The following FBN1 variants were observed in gnomAD, a reference collection of about 807,000 sequenced individuals.
FBN1 encodes the protein fibrillin 1.
In FBN1, 29 loss-of-function variants were observed where a neutral mutation model predicts 365.1. The ratio of observed to expected loss-of-function variants is 0.08; its 90% CI spans 0.06 to 0.11. The LOEUF (loss-of-function observed/expected upper bound fraction) is 0.11. Among genes scored for constraint, FBN1 ranks in the 10% least tolerant of loss-of-function variants. The pLI, the probability that FBN1 is intolerant of heterozygous loss-of-function variation, is 1.00. For synonymous variants in FBN1, 1,210 were observed against 1,270.5 expected (o/e 0.95, Z 1.01); for missense variants, 2,476 against 3,703.2 (o/e 0.67, Z 8.60).
chr15:48,435,183 G>A (rs573326733), intron 53 of FBN1, among the ~76,000 whole-genome samples: 20 of 152,210 alleles, frequency 1.3e-4, no homozygotes, highest in East Asian at 1.2e-3. Context: ...CGTGAAATTC[G>A]ACTTGCTCAG....
intron 46 of FBN1, among the ~76,000 whole-genome samples, chr15:48,447,592 A>C (rs2043169716): frequency 1.3e-5 from 2 of 152,204 alleles, no homozygotes; most frequent in South Asian, 4.1e-4. Flanking sequence ...GAAGTAATAA[A>C]AAATTTAATG....
intron 4 of FBN1, among the ~76,000 whole-genome samples, chr15:48,606,725 G>A (rs1282829115): frequency 2.0e-5 from 3 of 152,166 alleles, no homozygotes; most frequent in African/African-American, 7.2e-5. Flanking sequence ...ATGTCACAAT[G>A]GGGAAAACTA....
Position 48,508,574 on chromosome 15 carries a change from G to C in FBN1, c.1837+8C>G. 2 of 1,613,698 alleles carry C rather than the reference G, an allele frequency of 1.2e-6. No individual in the cohort carries two copies. The highest frequency in any genetic ancestry group is 1.1e-5 in the South Asian group (1 of 91,074). On this transcript the variant is annotated splice_region_variant and intron_variant, in intron 15 of 65. Coordinates refer to ENST00000316623, the MANE Select transcript of FBN1 (RefSeq NM_000138.5). Reference sequence around the variant, plus strand: ...GAAGAACATGATCTAGGGTTTTATAGCACGAACCTTTGCAATAACGTCCAT... The same window carrying C: ...GAAGAACATGATCTAGGGTTTTATACCACGAACCTTTGCAATAACGTCCAT...
intron 2 of FBN1, among the ~76,000 whole-genome samples, chr15:48,622,719 T>A (rs1889792918): frequency 6.6e-6 from 1 of 152,252 alleles, no homozygotes; most frequent in African/African-American, 2.4e-5. Context: ...GTAGGCCTAA[T>A]CTACCTGTCA....
intron 34 of FBN1, 58 bp from the exon 35 acceptor site, chr15:48,472,734 C>CTAAT: frequency 6.2e-7 from 1 of 1,612,986 alleles, no homozygotes; most frequent in Non-Finnish European, 8.5e-7. Context: ...TCTAATTCCT[C>CTAAT]AGGTCTATCA....
chr15:48,549,542 T>C (rs1385238157), intron 6 of FBN1, among the ~76,000 whole-genome samples: 2 of 152,234 alleles, frequency 1.3e-5, no homozygotes, highest in Non-Finnish European at 2.9e-5. Context: ...GGGATTTCCT[T>C]ACAGTAAATC....
intron 6 of FBN1, among the ~76,000 whole-genome samples, chr15:48,562,031 T>C (rs1269986055): frequency 2.0e-5 from 3 of 152,134 alleles, no homozygotes; most frequent in African/African-American, 7.2e-5. Flanking sequence ...TTTTGCTGAG[T>C]AACCCTGCCA....
At chr15:48,589,383 A>C (rs1388027020) in intron 6 of FBN1, among the ~76,000 whole-genome samples, 2 of 152,198 alleles carry the variant, frequency 1.3e-5, no homozygotes, top group South Asian at 4.1e-4. Flanking sequence ...TTCATACCAC[A>C]TATGTGCAGC....
rs1555395763 is a variant in FBN1 at position 48,445,472 on chromosome 15, G to A, written c.5821C>T (p.Leu1941Phe). The change falls in exon 48 of 66, where the codon CTT becomes TTT. Residue 1941 changes from leucine to phenylalanine, a missense_variant. Leu to Phe is a conservative substitution (Grantham distance 22). Transcript: ENST00000316623. ...VDECASGNGN[L>F]CRNGQCINTV... ...TTAATGCATTGGCCATTTCTGCAAA[G>A]ATTCCCATTTCCACTTGCACATTCA... 6.2e-7 allele frequency: 1 copy of A among 1,612,754 alleles called. No homozygotes were observed. The highest frequency in any genetic ancestry group is 8.5e-7 in the Non-Finnish European group (1 of 1,179,112).
At chr15:48,481,551 A>G in intron 32 of FBN1, 104 bp downstream of exon 32, 1 of 1,205,678 alleles carries the variant, frequency 8.3e-7, no homozygotes, top group Non-Finnish European at 1.2e-6. Flanking sequence ...AATGTTTTAT[A>G]ATATAGTTAA....
rs1445741684 is a variant in FBN1 at position 48,568,053 on chromosome 15, A to AAAG, written c.538+28227_538+28229dup. Among the ~76,000 whole-genome samples, 670 of 95,526 alleles carry AAAG rather than the reference A, an allele frequency of 7.0e-3. 2 individuals carry two copies. Among genetic ancestry groups the AAAG allele is most frequent in the East Asian group, 0.011 (37 of 3,304 alleles). The allele number at this position is 95,526 out of a possible 152,430, so 62.7% of individuals were successfully genotyped here. On this transcript the variant is annotated intron_variant, in intron 6 of 65. Coordinates refer to ENST00000316623, the MANE Select transcript of FBN1 (RefSeq NM_000138.5). ...AGAAAGAAAGAAAGAAAGAAAGAAG[A>AAAG]AAGAAAGAAAGAAAGAAAGAAAGAA... is the stretch of plus-strand genomic sequence containing the variant.
At chr15:48,555,542 G>A (rs1344591626) in intron 6 of FBN1, among the ~76,000 whole-genome samples, 2 of 152,118 alleles carry the variant, frequency 1.3e-5, no homozygotes, top group Non-Finnish European at 2.9e-5. Context: ...CTCCTATGGT[G>A]TATTGCTGTA....
chr15:48,555,960 A>C (rs2044177105), intron 6 of FBN1, among the ~76,000 whole-genome samples: 1 of 152,128 alleles, frequency 6.6e-6, no homozygotes, highest in African/African-American at 2.4e-5. Context: ...TAGCTCTATA[A>C]CTCTAATGTC....
At chr15:48,537,253 AAAATT>A (rs1366026968) in intron 7 of FBN1, among the ~76,000 whole-genome samples, 2 of 152,224 alleles carry the variant, frequency 1.3e-5, no homozygotes, top group Non-Finnish European at 2.9e-5. Flanking sequence ...ATGAAGAAAA[AAAATT>A]AAGAAAAACA....
At position 48,487,096 on chromosome 15, in the gene FBN1, G is replaced by C; in HGVS notation, c.3568C>G (p.Pro1190Ala). The change falls in exon 29 of 66, where the codon CCC (proline) becomes GCC (alanine). Residue 1190 changes from proline (P) to alanine (A), a missense_variant. Pro to Ala is a conservative substitution (Grantham distance 27). Transcript: ENST00000316623. ...TTACCAACACAAAATAGCCTATCGG[G>C]AGTTGAATGGTAGCCAGGGTTGCAG... The part of the protein sequence containing the change: ...CACNPGYHST[P>A]DRLFCVDIDE... The C allele has an allele frequency of 6.2e-7, 1 of 1,613,646 alleles. No individual in the cohort carries two copies. Among genetic ancestry groups the C allele is most frequent in the Non-Finnish European group, 8.5e-7 (1 of 1,179,814 alleles).
intron 32 of FBN1, among the ~76,000 whole-genome samples, chr15:48,475,574 T>C (rs376361371): frequency 1.8e-4 from 28 of 152,226 alleles, no homozygotes; most frequent in African/African-American, 6.8e-4. Flanking sequence ...CTCATAAATA[T>C]GGTACTCTAT....
chr15:48,538,613 C>T (rs1377909686), intron 6 of FBN1, among the ~76,000 whole-genome samples: 1 of 151,456 alleles, frequency 6.6e-6, no homozygotes, highest in African/African-American at 2.4e-5. Context: ...GAGAGAGAGC[C>T]AACAACAAAT....
At chr15:48,423,130 A>C (rs76402472) in intron 60 of FBN1, among the ~76,000 whole-genome samples, 1 of 152,332 alleles carries the variant, frequency 6.6e-6, no homozygotes, top group African/African-American at 2.4e-5. Flanking sequence ...AAGAGATGAA[A>C]TGTTGTGTTC....
intron 4 of FBN1, among the ~76,000 whole-genome samples, chr15:48,600,585 T>C (rs923679006): frequency 6.6e-6 from 1 of 152,066 alleles, no homozygotes; most frequent in Admixed American, 6.5e-5. Context: ...ATGCCTGTAA[T>C]CCCAGCCACT....
Sources: gnomAD v4.1 joint callset for allele counts (sites outside exome capture counted in the v4.1 genomes callset) on GRCh38, gnomAD v4.1.1 for gene constraint, MANE v1.5 for transcripts, NCBI Gene and HGNC (gene_info 2026-07-23, HGNC 2026-07-21) for gene names.